The following GRID2 variants were observed in gnomAD, a reference collection of about 807,000 sequenced individuals.
The protein encoded by GRID2 is glutamate ionotropic receptor delta type subunit 2.
A neutral mutation model predicts 114.8 loss-of-function variants in GRID2; 33 were observed. The ratio of observed to expected loss-of-function variants is 0.29; its 90% confidence interval spans 0.22 to 0.38. GRID2 has a LOEUF of 0.38. Among genes scored for constraint, GRID2 ranks in the 10% least tolerant of loss-of-function variants. The probability of loss-of-function intolerance (pLI) is 1.00; values close to 1 mark genes in which losing one functional copy is unlikely to be tolerated. For synonymous variants in GRID2, 505 were observed against 449.9 expected (o/e 1.12, Z -1.55); for missense variants, 1,184 against 1,257.7 (o/e 0.94, Z 0.89).
At chr4:92,552,498 G>C (rs1419137540) in intron 1 of GRID2, among the ~76,000 whole-genome samples, 1 of 152,126 alleles carries the variant, frequency 6.6e-6, no homozygotes, top group African/African-American at 2.4e-5. Context: ...GTGTGAAGTA[G>C]CTGTAAGACA....
At chr4:92,344,204 A>G (rs1727652416) in intron 1 of GRID2, among the ~76,000 whole-genome samples, 1 of 152,190 alleles carries the variant, frequency 6.6e-6, no homozygotes, top group African/African-American at 2.4e-5. Flanking sequence ...ATCTGAGACT[A>G]CATTTTCTGT....
chr4:93,179,791 A>G (rs532052348), intron 4 of GRID2, among the ~76,000 whole-genome samples: 1 of 152,210 alleles, frequency 6.6e-6, no homozygotes, highest in East Asian at 1.9e-4. Context: ...CTCAAACAAC[A>G]CTACTAATGG....
intron 1 of GRID2, among the ~76,000 whole-genome samples, chr4:92,420,743 G>A (rs1731862818): frequency 6.6e-6 from 1 of 152,170 alleles, no homozygotes. Flanking sequence ...GGAGTGTAGT[G>A]GTGTGATCTC....
chr4:93,775,886 A>C (rs1165122849), downstream of GRID2, among the ~76,000 whole-genome samples: 1 of 152,220 alleles, frequency 6.6e-6, no homozygotes, highest in Non-Finnish European at 1.5e-5. Context: ...TTGGCTATCA[A>C]CTGAATAAAT....
In GRID2 at chr4:93,239,772, T is replaced by C. The variant is rs537190701; in HGVS notation, c.1245+1282T>C. 9.0e-4 allele frequency among the ~76,000 whole-genome samples: 137 copies of C among 151,756 alleles called. 1 individual carries two copies. The highest frequency in any genetic ancestry group is 1.4e-3 in the Non-Finnish European group (98 of 67,670). On this transcript the variant is annotated intron_variant, in intron 8 of 15. Transcript: ENST00000282020. Reference sequence around the variant, plus strand: ...TCTCTGATTACCGTCAGACCATCCTTGTCAATAGTGTAATATTTAGACTGA... The same window carrying C: ...TCTCTGATTACCGTCAGACCATCCTCGTCAATAGTGTAATATTTAGACTGA...
At chr4:93,096,973 A>T (rs1731279105) in intron 3 of GRID2, among the ~76,000 whole-genome samples, 1 of 152,050 alleles carries the variant, frequency 6.6e-6, no homozygotes, top group South Asian at 2.1e-4. Context: ...GAGCAAAATA[A>T]GTAATGAACT....
intron 2 of GRID2, among the ~76,000 whole-genome samples, chr4:92,711,710 C>T (rs974463851): frequency 1.3e-5 from 2 of 152,034 alleles, no homozygotes; most frequent in Admixed American, 6.6e-5. Flanking sequence ...TGAGAACAGC[C>T]TGGGCAACAT....
chr4:92,433,064 G>C (rs759729960), intron 1 of GRID2, among the ~76,000 whole-genome samples: 2 of 152,050 alleles, frequency 1.3e-5, no homozygotes, highest in Non-Finnish European at 2.9e-5. Flanking sequence ...CCTGGGATGG[G>C]GGCCTCTGGA....
At chr4:93,069,578 A>G (rs1239425201) in intron 2 of GRID2, among the ~76,000 whole-genome samples, 2 of 152,010 alleles carry the variant, frequency 1.3e-5, no homozygotes, top group Non-Finnish European at 2.9e-5. Flanking sequence ...GCTTTGAAGA[A>G]ACAGAATTTT....
intron 2 of GRID2, among the ~76,000 whole-genome samples, chr4:92,834,341 A>G (rs1472386527): frequency 6.6e-6 from 1 of 152,146 alleles, no homozygotes; most frequent in Non-Finnish European, 1.5e-5. Context: ...TTTCACCATA[A>G]AGAGTTTAAA....
intron 8 of GRID2, among the ~76,000 whole-genome samples, chr4:93,356,840 C>T (rs572233637): frequency 1.1e-4 from 16 of 151,766 alleles, no homozygotes; most frequent in African/African-American, 3.9e-4. Context: ...CATTATTTTG[C>T]AATTATTTTT....
At chr4:93,142,564 G>A (rs897247040) in intron 4 of GRID2, among the ~76,000 whole-genome samples, 1 of 152,098 alleles carries the variant, frequency 6.6e-6, no homozygotes, top group Non-Finnish European at 1.5e-5. Context: ...TTATCACCTA[G>A]AGGGTTAGAA....
intron 14 of GRID2, among the ~76,000 whole-genome samples, chr4:93,676,446 GTCTT>G (rs1037242389): frequency 7.2e-5 from 11 of 152,124 alleles, no homozygotes; most frequent in Non-Finnish European, 1.3e-4. Context: ...AAAGTCCTGT[GTCTT>G]TATTGATGAC....
intron 1 of GRID2, among the ~76,000 whole-genome samples, chr4:92,449,692 T>TATATAA (rs1553936056): frequency 7.1e-6 from 1 of 141,586 alleles, no homozygotes; most frequent in African/African-American, 2.6e-5. Context: ...TATATATATA[T>TATATAA]ATATATATAT....
chr4:92,627,244 TAGC>T (rs767667930), intron 2 of GRID2, among the ~76,000 whole-genome samples: 1 of 152,072 alleles, frequency 6.6e-6, no homozygotes, highest in Non-Finnish European at 1.5e-5. Context: ...TAGCATCTGG[TAGC>T]AGGGAGAATG....
intron 2 of GRID2, among the ~76,000 whole-genome samples, chr4:92,625,904 T>C (rs1460844646): frequency 6.6e-6 from 1 of 152,006 alleles, no homozygotes; most frequent in Non-Finnish European, 1.5e-5. Context: ...TTCAAGATTT[T>C]TTTATTTGAA....
intron 2 of GRID2, among the ~76,000 whole-genome samples, chr4:92,639,760 C>A (rs1731254890): frequency 6.6e-6 from 1 of 151,668 alleles, no homozygotes; most frequent in Non-Finnish European, 1.5e-5. Flanking sequence ...CAAAATTACA[C>A]TTGTACCTTA....
At chr4:93,406,661 A>G (rs1041013295) in intron 9 of GRID2, among the ~76,000 whole-genome samples, 6 of 152,132 alleles carry the variant, frequency 3.9e-5, no homozygotes, top group African/African-American at 1.4e-4. Flanking sequence ...TGTAGAAAGT[A>G]TGTATTTATC....
intron 11 of GRID2, among the ~76,000 whole-genome samples, chr4:93,465,606 C>T (rs1724190300): frequency 1.3e-5 from 2 of 152,134 alleles, no homozygotes; most frequent in African/African-American, 2.4e-5. Context: ...GTATTCATGA[C>T]ACAAAGTCGG....
Sources: allele counts gnomAD v4.1 joint callset (sites outside exome capture counted in the v4.1 genomes callset), GRCh38; gene constraint gnomAD v4.1.1; transcripts MANE v1.5; gene names NCBI Gene and HGNC (gene_info 2026-07-23, HGNC 2026-07-21).